DAP: variants seen among roughly 807,000 people sequenced by gnomAD.
The protein encoded by DAP is death associated protein, also known as death-associated protein 1.
A neutral mutation model predicts 13.8 loss-of-function variants in DAP; 8 were observed. The ratio of observed to expected loss-of-function variants is 0.58; its 90% confidence interval spans 0.34 to 1.05. The LOEUF (loss-of-function observed/expected upper bound fraction) is 1.05, where lower values mean the gene tolerates loss of function less well. Among genes scored for constraint, DAP ranks in the 50% least tolerant of loss-of-function variants. The pLI, the probability that DAP is intolerant of heterozygous loss-of-function variation, is 0.03. For synonymous variants in DAP, 47 were observed against 47.5 expected (o/e 0.99, Z 0.04); for missense variants, 106 against 133.2 (o/e 0.80, Z 1.01).
At chr5:10,700,609 G>T (rs975371603) in intron 2 of DAP, among the ~76,000 whole-genome samples, 1 of 152,200 alleles carries the variant, frequency 6.6e-6, no homozygotes, top group African/African-American at 2.4e-5. Context: ...AGCGTGCATG[G>T]ATCTGTGCTC....
At chr5:10,742,231 T>C (rs905494032) in intron 2 of DAP, among the ~76,000 whole-genome samples, 4 of 152,234 alleles carry the variant, frequency 2.6e-5, no homozygotes, top group Non-Finnish European at 2.9e-5. Context: ...TTTTACCGTA[T>C]GGGTTAAAAT....
chr5:10,717,839 A>G (rs1739032291), intron 2 of DAP, among the ~76,000 whole-genome samples: 1 of 152,236 alleles, frequency 6.6e-6, no homozygotes, highest in Non-Finnish European at 1.5e-5. Context: ...CAGTGTTCCT[A>G]GAAGTGAAAT....
chr5:10,712,321 AC>A (rs143308628), intron 2 of DAP, among the ~76,000 whole-genome samples: 13,814 of 152,234 alleles, frequency 0.091, 863 homozygotes, highest in African/African-American at 0.18. Context: ...TGTTAAGGCA[AC>A]CCTAGCAAAC....
At chr5:10,730,790 C>G (rs1225660264) in intron 2 of DAP, among the ~76,000 whole-genome samples, 1 of 101,254 alleles carries the variant, frequency 9.9e-6, no homozygotes, top group Non-Finnish European at 1.9e-5. Flanking sequence ...GAATCCTTCT[C>G]TATTGAGAGC....
chr5:10,759,196 A>C (rs1040083921), intron 1 of DAP, among the ~76,000 whole-genome samples: 14 of 152,228 alleles, frequency 9.2e-5, no homozygotes, highest in African/African-American at 3.1e-4. Context: ...AAACAAAACA[A>C]AAAACTTCTT....
intron 2 of DAP, among the ~76,000 whole-genome samples, chr5:10,742,969 ATATG>A (rs1739798704): frequency 6.9e-6 from 1 of 145,352 alleles, no homozygotes; most frequent in Non-Finnish European, 1.5e-5. Context: ...ATTCAGAACC[ATATG>A]TTCATACAGA....
At chr5:10,709,988 C>G (rs1212003132) in intron 2 of DAP, among the ~76,000 whole-genome samples, 1 of 152,206 alleles carries the variant, frequency 6.6e-6, no homozygotes, top group Non-Finnish European at 1.5e-5. Flanking sequence ...CTGTGTGTAA[C>G]CAGCCCCAGG....
At chr5:10,760,091 C>T (rs1241676919) in intron 1 of DAP, among the ~76,000 whole-genome samples, 1 of 152,128 alleles carries the variant, frequency 6.6e-6, no homozygotes, top group Non-Finnish European at 1.5e-5. Flanking sequence ...CGCAAATGTG[C>T]CACCAAAAGA....
At chr5:10,716,030 C>A (rs1194446951) in intron 2 of DAP, among the ~76,000 whole-genome samples, 2 of 152,232 alleles carry the variant, frequency 1.3e-5, no homozygotes, top group African/African-American at 4.8e-5. Flanking sequence ...CCATCTCACA[C>A]AATGTGGGCC....
rs5745227 is a variant in DAP at position 10,714,427 on chromosome 5, C to G, written c.153-30856G>C. On this transcript the variant is annotated intron_variant, in intron 2 of 3. Transcript: ENST00000230895. ...ACTACTCTAAAGTGATGGCAGTGATCAGACCTATCAGGAGACCTTGTTATT... is the reference window on the plus strand; with the variant it reads ...ACTACTCTAAAGTGATGGCAGTGATGAGACCTATCAGGAGACCTTGTTATT... Among the ~76,000 whole-genome samples, 689 of 152,274 alleles carry G rather than the reference C, an allele frequency of 4.5e-3. 4 individuals carry two copies. The highest frequency in any genetic ancestry group is 0.015 in the African/African-American group (633 of 41,552).
chr5:10,721,376 CAAT>C (rs1006036869), intron 2 of DAP, among the ~76,000 whole-genome samples: 1 of 152,162 alleles, frequency 6.6e-6, no homozygotes, highest in African/African-American at 2.4e-5. Flanking sequence ...GGAGACACAA[CAAT>C]GATTCCATTA....
At position 10,732,596 on chromosome 5, in the gene DAP, T is replaced by C. The variant is rs536502564; in HGVS notation, c.152+15579A>G. ...CTGATGAGCATTTGGGCTGTTTCAA[T>C]TTTTTGGCTATTGTGAATAATGATG... On this transcript the variant is annotated intron_variant, in intron 2 of 3. Coordinates refer to ENST00000230895, the MANE Select transcript of DAP (RefSeq NM_004394.3). 1.5e-3 allele frequency among the ~76,000 whole-genome samples: 221 copies of C among 152,336 alleles called. 1 individual carries two copies. The highest frequency in any genetic ancestry group is 5.1e-3 in the African/African-American group (214 of 41,584).
intron 1 of DAP, 136 bp from the exon 2 acceptor site, chr5:10,748,407 T>C (rs1359491557): frequency 5.8e-6 from 4 of 689,100 alleles, no homozygotes; most frequent in African/African-American, 5.3e-5. Context: ...AATGATTAAC[T>C]AGGGAAGGTC....
At chr5:10,709,421 G>C (rs997267910) in intron 2 of DAP, among the ~76,000 whole-genome samples, 3 of 152,188 alleles carry the variant, frequency 2.0e-5, no homozygotes, top group African/African-American at 7.2e-5. Flanking sequence ...AGAGTAACGA[G>C]GTAGGTAAGG....
intron 2 of DAP, among the ~76,000 whole-genome samples, chr5:10,722,559 CATAT>C (rs1442341747): frequency 1.5e-5 from 2 of 132,514 alleles, no homozygotes; most frequent in African/African-American, 6.1e-5. Context: ...CATATACATG[CATAT>C]ATATACATAC....
intron 2 of DAP, among the ~76,000 whole-genome samples, chr5:10,741,800 T>C (rs550909545): frequency 1.1e-4 from 16 of 152,248 alleles, no homozygotes; most frequent in African/African-American, 3.4e-4. Context: ...CGAAGGCTTT[T>C]TGTAGTATTT....
At chr5:10,691,462 CCAGT>C (rs1191579261) in intron 2 of DAP, among the ~76,000 whole-genome samples, 3 of 152,300 alleles carry the variant, frequency 2.0e-5, no homozygotes, top group Middle Eastern at 3.4e-3. Flanking sequence ...GCGAGAAACC[CCAGT>C]CAAAGGTCTG....
intron 2 of DAP, among the ~76,000 whole-genome samples, chr5:10,742,452 G>A (rs576404616): frequency 2.6e-5 from 4 of 152,110 alleles, no homozygotes; most frequent in East Asian, 1.9e-4. Context: ...ACTTGAAACC[G>A]GAAGACAGAG....
rs76486570 is a variant in DAP at position 10,743,862 on chromosome 5, C to T, written c.152+4313G>A. 3.8e-4 allele frequency among the ~76,000 whole-genome samples: 58 copies of T among 152,258 alleles called. No homozygotes were observed. The East Asian group carries it at 4.6e-3, about 12-fold the overall frequency. ...CACCAGTAACTAGAACTCAGGTTGA[C>T]GGAAATTCTTTGGCAGCATTTTCAC... On this transcript the variant is annotated intron_variant, in intron 2 of 3. Coordinates refer to ENST00000230895, the MANE Select transcript of DAP (RefSeq NM_004394.3).
Sources: gnomAD v4.1 joint callset for allele counts (sites outside exome capture counted in the v4.1 genomes callset) on GRCh38, gnomAD v4.1.1 for gene constraint, MANE v1.5 for transcripts, NCBI Gene and HGNC (gene_info 2026-07-23, HGNC 2026-07-21) for gene names.